Variants in MED13L observed in about 807,000 individuals in gnomAD.
MED13L encodes the protein mediator complex subunit 13L, also known as mediator of RNA polymerase II transcription subunit 13-like.
In MED13L, 7 loss-of-function variants were observed where a neutral mutation model predicts 220.9. The ratio of observed to expected loss-of-function variants is 0.03; its 90% CI spans 0.02 to 0.06. MED13L has a LOEUF of 0.06. Ranked by LOEUF, MED13L falls within the 10% of genes least tolerant of loss-of-function variation. MED13L has a pLI of 1.00. For synonymous variants in MED13L, 1,011 were observed against 1,015.2 expected (o/e 1.00, Z 0.08); for missense variants, 1,965 against 2,760.5 (o/e 0.71, Z 6.46).
At chr12:116,258,552 G>A (rs1271113886) in intron 1 of MED13L, among the ~76,000 whole-genome samples, 1 of 152,136 alleles carries the variant, frequency 6.6e-6, no homozygotes, top group East Asian at 1.9e-4. Context: ...CGAGGTGGGC[G>A]GACCACCTCA....
intron 9 of MED13L, among the ~76,000 whole-genome samples, chr12:116,012,179 G>A (rs970882018): frequency 6.6e-6 from 1 of 152,110 alleles, no homozygotes; most frequent in East Asian, 1.9e-4. Flanking sequence ...AAGAATTTAA[G>A]AACCCTAATG....
At chr12:116,051,876 G>C (rs540306752) in intron 4 of MED13L, among the ~76,000 whole-genome samples, 30 of 152,236 alleles carry the variant, frequency 2.0e-4, no homozygotes, top group African/African-American at 6.7e-4. Flanking sequence ...GATAGCCACT[G>C]AGGAGCCAAG....
chr12:116,232,537 C>T (rs1056292184), intron 2 of MED13L, among the ~76,000 whole-genome samples: 1 of 152,200 alleles, frequency 6.6e-6, no homozygotes, highest in African/African-American at 2.4e-5. Context: ...ATAAGTCAAT[C>T]TGCCGGGAGT....
chr12:116,256,681 A>G (rs1593218140), intron 1 of MED13L, among the ~76,000 whole-genome samples: 1 of 102,498 alleles, frequency 9.8e-6, no homozygotes, highest in African/African-American at 3.8e-5. Flanking sequence ...AAAACAAACT[A>G]CTTTTTTTTT....
At chr12:116,096,451 T>C (rs1296717645) in intron 4 of MED13L, among the ~76,000 whole-genome samples, 4 of 149,956 alleles carry the variant, frequency 2.7e-5, no homozygotes, top group Non-Finnish European at 5.9e-5. Context: ...TATAGTAATA[T>C]GTGGCTTGAA....
At chr12:115,989,477 G>A (rs190286975) in intron 17 of MED13L, among the ~76,000 whole-genome samples, 27 of 151,736 alleles carry the variant, frequency 1.8e-4, no homozygotes, top group African/African-American at 5.6e-4. Flanking sequence ...TCCTCTTCTC[G>A]TCTATACTTT....
At chr12:116,127,390 G>C (rs1875683583) in intron 2 of MED13L, among the ~76,000 whole-genome samples, 1 of 152,112 alleles carries the variant, frequency 6.6e-6, no homozygotes, top group African/African-American at 2.4e-5. Context: ...CAACTTTTCA[G>C]ATGTGTGCTT....
intron 2 of MED13L, among the ~76,000 whole-genome samples, chr12:116,142,657 C>G (rs1351866145): frequency 6.6e-6 from 1 of 152,020 alleles, no homozygotes; most frequent in Non-Finnish European, 1.5e-5. Context: ...CACAGCACTC[C>G]AGCCTGGACG....
intron 4 of MED13L, 99 bp from the exon 5 acceptor site, chr12:116,022,700 G>T: frequency 7.9e-7 from 1 of 1,270,090 alleles, no homozygotes; most frequent in Admixed American, 2.0e-5. Flanking sequence ...TTTATCAACC[G>T]TCCAGTAAGG....
intron 2 of MED13L, among the ~76,000 whole-genome samples, chr12:116,156,799 T>C (rs889464143): frequency 2.7e-4 from 41 of 152,170 alleles, no homozygotes; most frequent in Admixed American, 2.5e-3. Context: ...TATGCCTAAG[T>C]CATAAAACTG....
chr12:116,241,343 C>G (rs7969619), intron 1 of MED13L, among the ~76,000 whole-genome samples: 7 of 144,922 alleles, frequency 4.8e-5, no homozygotes, highest in Non-Finnish European at 9.1e-5. Flanking sequence ...AAAAAAAAAA[C>G]ACACACACAC....
intron 1 of MED13L, among the ~76,000 whole-genome samples, chr12:116,245,291 C>A (rs1815192390): frequency 6.6e-6 from 1 of 152,190 alleles, no homozygotes. Context: ...GAAATCTTAG[C>A]TCCACAGAAA....
chr12:116,017,905 C>G (rs993328416), intron 7 of MED13L, among the ~76,000 whole-genome samples: 1 of 151,922 alleles, frequency 6.6e-6, no homozygotes, highest in African/African-American at 2.4e-5. Flanking sequence ...CATGAGCCAT[C>G]ATGCCTGGCC....
chr12:116,051,811 G>A (rs773044885), intron 4 of MED13L, among the ~76,000 whole-genome samples: 6 of 152,130 alleles, frequency 3.9e-5, no homozygotes, highest in Non-Finnish European at 7.4e-5. Context: ...ATGACATCAT[G>A]TGGGCACTCA....
intron 14 of MED13L, 78 bp from the exon 15 acceptor site, chr12:115,997,308 T>G (rs1878467511): frequency 2.6e-6 from 3 of 1,163,448 alleles, no homozygotes; most frequent in South Asian, 1.3e-5. Flanking sequence ...AGGCGCACTC[T>G]TTGGCACCAA....
intron 4 of MED13L, among the ~76,000 whole-genome samples, chr12:116,034,312 A>G (rs1881042980): frequency 6.6e-6 from 1 of 152,126 alleles, no homozygotes; most frequent in African/African-American, 2.4e-5. Flanking sequence ...CTGATACATT[A>G]TAACATTCCC....
intron 8 of MED13L, 39 bp downstream of exon 8, chr12:116,015,070 T>C (rs774612767): frequency 1.3e-6 from 2 of 1,588,056 alleles, no homozygotes; most frequent in East Asian, 2.2e-5. Context: ...AAGGAGATGG[T>C]TACTAAACTA....
chr12:115,975,104 CA>C, intron 25 of MED13L, 66 bp downstream of exon 25: 1 of 1,461,290 alleles, frequency 6.8e-7, no homozygotes, highest in Non-Finnish European at 9.6e-7. Flanking sequence ...TCCCTTAGCT[CA>C]GTTAATGACA....
chr12:116,064,559 C>G (rs1869769598), intron 4 of MED13L, among the ~76,000 whole-genome samples: 1 of 152,164 alleles, frequency 6.6e-6, no homozygotes, highest in Admixed American at 6.5e-5. Context: ...TGACCGAAAG[C>G]AAGAAGCTTT....
Sources: gnomAD v4.1 joint callset for allele counts (sites outside exome capture counted in the v4.1 genomes callset) on GRCh38, gnomAD v4.1.1 for gene constraint, MANE v1.5 for transcripts, NCBI Gene and HGNC (gene_info 2026-07-23, HGNC 2026-07-21) for gene names.